Variants in RALYL observed in about 807,000 individuals in gnomAD.
The protein encoded by RALYL is RALY RNA binding protein like, also known as RNA-binding Raly-like protein.
In RALYL, 29 loss-of-function variants were observed where a neutral mutation model predicts 35.1. The ratio of observed to expected loss-of-function variants is 0.83; its 90% CI spans 0.61 to 1.13. The LOEUF (loss-of-function observed/expected upper bound fraction) is 1.13, where lower values mean the gene tolerates loss of function less well. RALYL is among the 50% of genes most tolerant of loss of function. The pLI is 0.00. For synonymous variants in RALYL, 120 were observed against 127.6 expected (o/e 0.94, Z 0.40); for missense variants, 359 against 360.4 (o/e 1.00, Z 0.03).
At chr8:84,477,924 CT>C (rs928858965) in intron 1 of RALYL, among the ~76,000 whole-genome samples, 1 of 151,896 alleles carries the variant, frequency 6.6e-6, no homozygotes, top group African/African-American at 2.4e-5. Context: ...AAAGAAACTC[CT>C]TTTTTAATAG....
At chr8:84,897,974 T>G (rs1173341916) in intron 8 of RALYL, among the ~76,000 whole-genome samples, 1 of 152,218 alleles carries the variant, frequency 6.6e-6, no homozygotes, top group African/African-American at 2.4e-5. Context: ...TCACAAAGTC[T>G]GTGTAACATT....
intron 2 of RALYL, among the ~76,000 whole-genome samples, chr8:84,650,125 T>C (rs906171163): frequency 2.6e-5 from 4 of 152,116 alleles, no homozygotes; most frequent in African/African-American, 9.7e-5. Flanking sequence ...TTTTGTACAT[T>C]GATTTTGTAT....
At chr8:84,568,128 C>T (rs542518024) in intron 2 of RALYL, among the ~76,000 whole-genome samples, 185 of 151,148 alleles carry the variant, frequency 1.2e-3, no homozygotes, top group African/African-American at 4.3e-3. Flanking sequence ...ATACATGCGC[C>T]ATGTTGGGGT....
chr8:84,857,832 TTA>T (rs1837360371), intron 5 of RALYL, among the ~76,000 whole-genome samples: 1 of 152,196 alleles, frequency 6.6e-6, no homozygotes, highest in Non-Finnish European at 1.5e-5. Context: ...GGTCTGAGAC[TTA>T]GAATTGTAGT....
At chr8:84,468,876 C>T (rs1227280487) in intron 1 of RALYL, among the ~76,000 whole-genome samples, 3 of 151,960 alleles carry the variant, frequency 2.0e-5, no homozygotes, top group Non-Finnish European at 2.9e-5. Flanking sequence ...CTTCCCTTCT[C>T]GCTTCATTTC....
intron 1 of RALYL, among the ~76,000 whole-genome samples, chr8:84,261,211 C>G (rs28378543): frequency 0.43 from 64,991 of 151,656 alleles, 14,123 homozygotes; most frequent in East Asian, 0.53. Flanking sequence ...TATAAATTAT[C>G]TCAGCAAAAT....
intron 2 of RALYL, among the ~76,000 whole-genome samples, chr8:84,604,486 CAT>C (rs961681656): frequency 7.2e-5 from 11 of 152,166 alleles, no homozygotes; most frequent in African/African-American, 2.4e-4. Context: ...GTGCCAAAAA[CAT>C]AGTCCCATCT....
At chr8:84,624,702 G>T (rs149790493) in intron 2 of RALYL, among the ~76,000 whole-genome samples, 1 of 152,146 alleles carries the variant, frequency 6.6e-6, no homozygotes. Context: ...GGACATGGAC[G>T]TCTTTGGGGA....
intron 1 of RALYL, among the ~76,000 whole-genome samples, chr8:84,189,518 G>C (rs1813347099): frequency 6.6e-6 from 1 of 152,114 alleles, no homozygotes; most frequent in African/African-American, 2.4e-5. Flanking sequence ...GAAAGAAATT[G>C]ATGTGTCAAA....
chr8:84,198,605 A>G (rs1387161919), intron 1 of RALYL, among the ~76,000 whole-genome samples: 4 of 152,094 alleles, frequency 2.6e-5, no homozygotes, highest in African/African-American at 9.7e-5. Flanking sequence ...ACTAGGTCTT[A>G]TTCAGTCATT....
At chr8:84,487,334 G>A (rs2054756546) in intron 1 of RALYL, among the ~76,000 whole-genome samples, 1 of 151,938 alleles carries the variant, frequency 6.6e-6, no homozygotes, top group Admixed American at 6.6e-5. Flanking sequence ...CCTTTGGTAG[G>A]CCACTGAATT....
At chr8:84,517,099 A>G (rs533598775) in intron 1 of RALYL, among the ~76,000 whole-genome samples, 1 of 152,312 alleles carries the variant, frequency 6.6e-6, no homozygotes, top group Admixed American at 6.5e-5. Flanking sequence ...TCAAAAAGAT[A>G]ACTGGCCAAA....
intron 1 of RALYL, among the ~76,000 whole-genome samples, chr8:84,363,716 G>T (rs1853591127): frequency 6.6e-6 from 1 of 152,138 alleles, no homozygotes; most frequent in Non-Finnish European, 1.5e-5. Context: ...GAATAAGGAA[G>T]GCATCCCAGG....
chr8:84,532,030 T>C (rs758863008), intron 2 of RALYL, among the ~76,000 whole-genome samples: 5 of 152,082 alleles, frequency 3.3e-5, no homozygotes, highest in Admixed American at 6.6e-5. Flanking sequence ...GGTAAATCTT[T>C]AGAGCATATA....
At chr8:84,894,262 C>A (rs1205638173) in intron 8 of RALYL, among the ~76,000 whole-genome samples, 1 of 152,160 alleles carries the variant, frequency 6.6e-6, no homozygotes, top group Non-Finnish European at 1.5e-5. Flanking sequence ...GCTTCTCTTT[C>A]TTTTTCTTAT....
At chr8:84,341,285 C>G (rs1342951560) in intron 1 of RALYL, among the ~76,000 whole-genome samples, 1 of 151,024 alleles carries the variant, frequency 6.6e-6, no homozygotes, top group South Asian at 2.1e-4. Flanking sequence ...ATTATGTGCA[C>G]AGTCATTAGT....
intron 1 of RALYL, among the ~76,000 whole-genome samples, chr8:84,243,493 C>G (rs934811853): frequency 1.4e-4 from 20 of 141,730 alleles, no homozygotes; most frequent in Non-Finnish European, 3.0e-4. Flanking sequence ...TTTCTGTTCT[C>G]TCTCACACTT....
chr8:84,710,916 C>G (rs1028260723), intron 2 of RALYL, among the ~76,000 whole-genome samples: 1 of 151,986 alleles, frequency 6.6e-6, no homozygotes, highest in African/African-American at 2.4e-5. Flanking sequence ...ATGTAATATG[C>G]TATGTAATGC....
intron 1 of RALYL, among the ~76,000 whole-genome samples, chr8:84,387,629 C>T (rs974483175): frequency 2.6e-5 from 4 of 151,550 alleles, no homozygotes; most frequent in African/African-American, 9.7e-5. Flanking sequence ...TATGTGTAAA[C>T]TATTCAGAGA....
Sources: gnomAD v4.1 joint callset for allele counts (sites outside exome capture counted in the v4.1 genomes callset) on GRCh38, gnomAD v4.1.1 for gene constraint, MANE v1.5 for transcripts, NCBI Gene and HGNC (gene_info 2026-07-23, HGNC 2026-07-21) for gene names.